Variants in TNFRSF10B observed in about 807,000 individuals in gnomAD.
The protein encoded by TNFRSF10B is tumor necrosis factor receptor superfamily member 10B.
A neutral mutation model predicts 41.4 loss-of-function variants in TNFRSF10B; 35 were observed. The observed-to-expected ratio is 0.85, with a 90% CI of 0.65 to 1.12. TNFRSF10B has a LOEUF of 1.12. Ranked by LOEUF, TNFRSF10B falls within the 50% of genes most tolerant of loss-of-function variation. The pLI, the probability that TNFRSF10B is intolerant of heterozygous loss-of-function variation, is 0.00. For synonymous variants in TNFRSF10B, 230 were observed against 215.5 expected, an observed-to-expected ratio of 1.07 and a Z score of -0.59; for missense variants, 584 against 552.7, an observed-to-expected ratio of 1.06 and a Z score of -0.57.
intron 1 of TNFRSF10B, among the ~76,000 whole-genome samples, chr8:23,043,599 T>G (rs1415673488): frequency 2.0e-5 from 3 of 151,834 alleles, no homozygotes; most frequent in African/African-American, 7.2e-5. Context: ...TATTCTCTCT[T>G]TCTCTCTTTC....
In TNFRSF10B at chr8:23,020,141, T is replaced by G; in HGVS notation, c.*2530A>C. On this transcript the variant is annotated 3_prime_UTR_variant, in exon 9 of 9. Coordinates refer to ENST00000276431, the MANE Select transcript of TNFRSF10B (RefSeq NM_003842.5). ...GACAAAAACCACACCTCTTTTTATA[T>G]AAGGTTTCATATTTAATTTGGTCAT... 2.6e-6 allele frequency: 1 copy of G among 388,330 alleles called. No homozygotes were observed. The highest frequency in any genetic ancestry group is 5.1e-6 in the Non-Finnish European group (1 of 195,900). The allele number at this position is 388,330 out of a possible 1,614,324, so 24.1% of individuals were successfully genotyped here. A position where few individuals can be genotyped will look rare whatever the true frequency, so the allele number is the denominator to read the frequency against.
intron 1 of TNFRSF10B, among the ~76,000 whole-genome samples, chr8:23,066,485 GAAA>G (rs1036642269): frequency 6.6e-6 from 1 of 151,502 alleles, no homozygotes. Flanking sequence ...AATGATGGGG[GAAA>G]AAAAAGAACA....
chr8:23,060,570 A>C (rs1350563768), intron 1 of TNFRSF10B, among the ~76,000 whole-genome samples: 1 of 152,242 alleles, frequency 6.6e-6, no homozygotes, highest in African/African-American at 2.4e-5. Flanking sequence ...AAAATCAGGA[A>C]GTGTGAATCC....
At chr8:23,048,234 G>A (rs1335498281) in intron 1 of TNFRSF10B, among the ~76,000 whole-genome samples, 2 of 151,936 alleles carry the variant, frequency 1.3e-5, no homozygotes, top group African/African-American at 2.4e-5. Flanking sequence ...TCAGGAGTTC[G>A]AGACCAGCCT....
intron 7 of TNFRSF10B, 23 bp downstream of exon 7, chr8:23,027,110 A>C: frequency 6.2e-7 from 1 of 1,613,630 alleles, no homozygotes. Flanking sequence ...GCCAGGAAAC[A>C]AAATGATCTG....
intron 1 of TNFRSF10B, among the ~76,000 whole-genome samples, chr8:23,059,683 AT>A (rs113904198): frequency 0.47 from 70,923 of 149,692 alleles, 17,423 homozygotes; most frequent in East Asian, 0.69. Context: ...ATTTTTTTGT[AT>A]TTTTTTTTTA....
Position 23,046,618 on chromosome 8 carries a change from A to T in TNFRSF10B, c.145-3375T>A, listed in dbSNP as rs1340281757. 3.5e-3 allele frequency among the ~76,000 whole-genome samples: 97 copies of T among 27,762 alleles called. No homozygotes were observed. The African/African-American group carries it at 0.1, about 29-fold the overall frequency. 18.2% of individuals were successfully genotyped at this position (27,762 alleles called of 152,430 possible). The stretch of plus-strand genomic sequence containing the variant: ...TCCTAAAATTCATATGCAACCATAA[A>T]AAAAAAAAAAAAAAAACACAAATAG... On this transcript the variant is annotated intron_variant, in intron 1 of 8. Transcript: ENST00000276431.
chr8:23,029,459 G>C (rs1417790773), intron 4 of TNFRSF10B, 151 bp downstream of exon 4: 2 of 739,558 alleles, frequency 2.7e-6, no homozygotes, highest in Non-Finnish European at 4.7e-6. Context: ...GCAGGGGGCA[G>C]GGGTGGTGAC....
In TNFRSF10B at chr8:23,022,316, T is replaced by TA. The variant is rs757554229; in HGVS notation, c.*354_*355insT. 7 of 462,902 alleles carry TA rather than the reference T, an allele frequency of 1.5e-5. No homozygotes were observed. Among genetic ancestry groups the TA allele is most frequent in the South Asian group, 1.1e-4 (7 of 64,560 alleles). 28.7% of individuals were successfully genotyped at this position (462,902 alleles called of 1,614,324 possible). Reference sequence around the variant, plus strand: ...GTATCAAGTGAAGTCGGACAACGACTGTGTAGATGGATCTTACAATGTAGC... The same window carrying TA: ...GTATCAAGTGAAGTCGGACAACGACTAGTGTAGATGGATCTTACAATGTAGC... On this transcript the variant is annotated 3_prime_UTR_variant, in exon 9 of 9. Coordinates refer to ENST00000276431, the MANE Select transcript of TNFRSF10B (RefSeq NM_003842.5).
intron 1 of TNFRSF10B, among the ~76,000 whole-genome samples, chr8:23,050,593 T>C (rs1053015962): frequency 6.6e-6 from 1 of 152,214 alleles, no homozygotes; most frequent in African/African-American, 2.4e-5. Context: ...TTCTGTTTTC[T>C]TCATTAATAG....
rs1227970574 is a variant in TNFRSF10B at position 23,033,443 on chromosome 8, C to T, written c.251-2571G>A. Among the ~76,000 whole-genome samples the T allele has an allele frequency of 5.3e-5, 8 of 151,792 alleles. No homozygotes were observed. The East Asian group carries it at 5.8e-4, about 11-fold the overall frequency. On this transcript the variant is annotated intron_variant, in intron 2 of 8. Coordinates refer to ENST00000276431, the MANE Select transcript of TNFRSF10B (RefSeq NM_003842.5). ...ACTAAAAATACAAAAAAAAATTAGC[C>T]GGGCGAGGTGGCGGGCGCCTGTAGT... is the stretch of plus-strand genomic sequence containing the variant.
At position 23,021,327 on chromosome 8, in the gene TNFRSF10B, C is replaced by T. The variant is rs1464257033; in HGVS notation, c.*1344G>A. On this transcript the variant is annotated 3_prime_UTR_variant, in exon 9 of 9. Transcript: ENST00000276431. ...AGAGCGGCCAAGGTCCTCAAGTAGG[C>T]AATCTGTACCCTAAAAGGCAGCTCA... 2.2e-6 allele frequency: 1 copy of T among 454,096 alleles called. No homozygotes were observed. Among genetic ancestry groups the T allele is most frequent in the South Asian group, 1.6e-5 (1 of 64,470 alleles). The allele number at this position is 454,096 out of a possible 1,614,324, so 28.1% of individuals were successfully genotyped here.
chr8:23,030,866 T>G lies in TNFRSF10B; in HGVS notation c.257A>C (p.His86Pro). 1.9e-6 allele frequency: 3 copies of G among 1,608,558 alleles called. No individual in the cohort carries two copies. Among genetic ancestry groups the G allele is most frequent in the Non-Finnish European group, 2.5e-6 (3 of 1,177,488 alleles). The change falls in exon 3 of 9, where the codon CAT becomes CCT. Residue 86 changes from histidine to proline, a missense_variant. By Grantham distance (77) the His-to-Pro change is moderately conservative. Transcript: ENST00000276431. ...PSEGLCPPGH[H>P]ISEDGRDCIS... ...GCAATCTCTACCGTCTTCTGAGATA[T>G]GGTGTCCTGGGAGGGGAGAGAAAAG...
chr8:23,029,548 A>G lies in TNFRSF10B; in HGVS notation c.476+62T>C, dbSNP rs558803168. The G allele has an allele frequency of 8.0e-5, 120 of 1,502,974 alleles. No individual in the cohort carries two copies. In the African/African-American group the frequency reaches 1.5e-3, roughly 19 times the overall value. The allele number at this position is 1,502,974 out of a possible 1,614,324, so 93.1% of individuals were successfully genotyped here. A position where few individuals can be genotyped will look rare whatever the true frequency, so the allele number is the denominator to read the frequency against. On this transcript the variant is annotated intron_variant, in intron 4 of 8. Transcript: ENST00000276431. ...GCTGTCAGGGGAGAGACAGGGGTAC[A>G]AGGAGACTTGGGTCTTTTGGGGTTC... is the stretch of plus-strand genomic sequence containing the variant.
chr8:23,024,402 G>C, intron 7 of TNFRSF10B, 142 bp from the exon 8 acceptor site: 1 of 861,014 alleles, frequency 1.2e-6, no homozygotes, highest in Admixed American at 2.0e-5. Flanking sequence ...CAAGACAGGA[G>C]ACAAAGGGGC....
At chr8:23,023,785 G>C (rs1262704148) in intron 8 of TNFRSF10B, among the ~76,000 whole-genome samples, 1 of 152,008 alleles carries the variant, frequency 6.6e-6, no homozygotes, top group Non-Finnish European at 1.5e-5. Context: ...TTAAGTCTTT[G>C]GCATTCGTAT....
At chr8:23,060,584 T>A (rs953642351) in intron 1 of TNFRSF10B, among the ~76,000 whole-genome samples, 6 of 152,230 alleles carry the variant, frequency 3.9e-5, no homozygotes, top group African/African-American at 1.4e-4. Context: ...TGAATCCTAC[T>A]ACATTTTTAT....
chr8:23,028,404 C>T lies in TNFRSF10B; in HGVS notation c.675G>A (p.Leu225=). Residue 225 remains leucine, a synonymous_variant, in exon 5 of 9, where the codon TTG becomes TTA. Transcript: ENST00000276431. ...ACTTGCAAACAAACACAGCCACAAT[C>T]AAGACTACGGCTGCAACTGTGACTC... ...IIGVTVAAVV[L]IVAVFVCKSL... is the part of the protein sequence containing the mutation. 1 of 1,614,182 alleles carries T rather than the reference C, an allele frequency of 6.2e-7. No individual in the cohort carries two copies. Among genetic ancestry groups the T allele is most frequent in the Non-Finnish European group, 8.5e-7 (1 of 1,180,030 alleles).
At chr8:23,058,502 T>C (rs1812734346) in intron 1 of TNFRSF10B, among the ~76,000 whole-genome samples, 4 of 152,036 alleles carry the variant, frequency 2.6e-5, no homozygotes, top group Non-Finnish European at 4.4e-5. Flanking sequence ...TTTTTTTTTT[T>C]CAGATGGATT....
Sources: gnomAD v4.1 joint callset for allele counts (sites outside exome capture counted in the v4.1 genomes callset) on GRCh38, gnomAD v4.1.1 for gene constraint, MANE v1.5 for transcripts, NCBI Gene and HGNC (gene_info 2026-07-23, HGNC 2026-07-21) for gene names.